Variants in UPRT observed in about 807,000 individuals in gnomAD.
UPRT encodes the protein RP11-311P8.3.
UPRT carries 5 observed loss-of-function variants against 22.6 expected under a neutral mutation model. The observed-to-expected ratio is 0.22, with a 90% CI of 0.12 to 0.47. The LOEUF (loss-of-function observed/expected upper bound fraction) is 0.47. Ranked by LOEUF, UPRT falls within the 20% of genes least tolerant of loss-of-function variation. UPRT has a pLI of 0.99. For missense variants in UPRT, 181 were observed against 239.9 expected, an observed-to-expected ratio of 0.75 and a Z score of 1.62; for synonymous variants, 77 against 87.7, an observed-to-expected ratio of 0.88 and a Z score of 0.68.
At chrX:75,186,661 C>A (rs1321708406) in intron 4 of UPRT, among the ~76,000 whole-genome samples, 5 of 111,628 alleles carry the variant, frequency 4.5e-5, no homozygotes, top group Non-Finnish European at 9.4e-5. Context: ...GAGTCTAAGT[C>A]ACTTTGTAGG....
chrX:75,190,829 C>G (rs143762233), intron 4 of UPRT, among the ~76,000 whole-genome samples: 3,229 of 111,751 alleles, frequency 0.029, 116 homozygotes, highest in African/African-American at 0.1. Flanking sequence ...TCAGCTCCAT[C>G]AGGTCATTTA....
intron 4 of UPRT, among the ~76,000 whole-genome samples, chrX:75,249,484 A>G (rs1405276479): frequency 8.9e-6 from 1 of 111,897 alleles, no homozygotes; most frequent in African/African-American, 3.2e-5. Flanking sequence ...TAATGGTAAA[A>G]TGATCAATTC....
chrX:75,192,010 C>G (rs2082316948), intron 4 of UPRT, among the ~76,000 whole-genome samples: 1 of 111,473 alleles, frequency 9.0e-6, no homozygotes, highest in African/African-American at 3.3e-5. Context: ...GAACCTGGTA[C>G]CTCCGTTGGT....
intron 4 of UPRT, among the ~76,000 whole-genome samples, chrX:75,227,550 A>G: frequency 8.9e-6 from 1 of 112,327 alleles, no homozygotes. Flanking sequence ...GTTCCTGAAT[A>G]TAGCTAATGG....
In UPRT at chrX:75,189,070, T is replaced by C. The variant is rs764072642; in HGVS notation, c.-447+21191T>C. On this transcript the variant is annotated intron_variant, in intron 4 of 13. Transcript: ENST00000652605. ...GCTTCTCTAGTTCTTTTATTTGTGA[T>C]GTTAGGTTGTCAATTTTAGATCTTT... Among the ~76,000 whole-genome samples, 8 of 112,378 alleles carry C rather than the reference T, an allele frequency of 7.1e-5. No homozygotes were observed. In the South Asian group the frequency reaches 3.0e-3, roughly 42 times the overall value.
At chrX:75,275,035 G>A (rs776533330) in intron 1 of UPRT, among the ~76,000 whole-genome samples, 98 of 111,010 alleles carry the variant, frequency 8.8e-4, no homozygotes, top group Non-Finnish European at 1.5e-3. Flanking sequence ...CCAAGGTTAT[G>A]CACTACCACC....
chrX:75,278,921 T>G (rs765018362), intron 1 of UPRT, among the ~76,000 whole-genome samples: 2 of 111,976 alleles, frequency 1.8e-5, no homozygotes, highest in African/African-American at 3.2e-5. Flanking sequence ...CAATCTAATG[T>G]GATTTGAGTT....
chrX:75,267,538 C>T (rs1256473670), intron 4 of UPRT, among the ~76,000 whole-genome samples: 1 of 111,838 alleles, frequency 8.9e-6, no homozygotes, highest in African/African-American at 3.3e-5. Context: ...AACAAACCTG[C>T]ACGTTGTGCA....
chrX:75,175,945 A>G (rs1347338517), intron 4 of UPRT, among the ~76,000 whole-genome samples: 12 of 111,180 alleles, frequency 1.1e-4, no homozygotes, highest in Non-Finnish European at 2.3e-4. Context: ...GATTTTGTTC[A>G]GGGCCCAGGG....
chrX:75,266,694 G>A (rs1345615808), intron 4 of UPRT, among the ~76,000 whole-genome samples: 7 of 111,475 alleles, frequency 6.3e-5, no homozygotes, highest in African/African-American at 2.3e-4. Context: ...CTACTCATCT[G>A]ACAAAGGGCT....
intron 4 of UPRT, among the ~76,000 whole-genome samples, chrX:75,251,229 A>G (rs1300316901): frequency 9.0e-6 from 1 of 111,553 alleles, no homozygotes; most frequent in Non-Finnish European, 1.9e-5. Flanking sequence ...AGGCAGGAGA[A>G]GGAAATAAAG....
chrX:75,260,699 TAGA>T (rs1472834531), intron 4 of UPRT, among the ~76,000 whole-genome samples: 1 of 111,447 alleles, frequency 9.0e-6, no homozygotes, highest in Non-Finnish European at 1.9e-5. Flanking sequence ...ATCAATGAGA[TAGA>T]AGGTCAACAA....
At chrX:75,252,376 G>A (rs190133448) in intron 4 of UPRT, among the ~76,000 whole-genome samples, 3 of 112,078 alleles carry the variant, frequency 2.7e-5, no homozygotes, top group Middle Eastern at 4.6e-3. Flanking sequence ...CAAAAAGTGA[G>A]GGAAGGACAT....
chrX:75,212,036 T>G (rs1322624750), intron 4 of UPRT, among the ~76,000 whole-genome samples: 1 of 111,578 alleles, frequency 9.0e-6, no homozygotes, highest in East Asian at 2.8e-4. Flanking sequence ...TCTGGCAGAA[T>G]GTGGTGTTCC....
intron 2 of UPRT, among the ~76,000 whole-genome samples, chrX:75,162,640 C>T (rs2147599758): frequency 9.0e-6 from 1 of 111,498 alleles, no homozygotes; most frequent in South Asian, 3.7e-4. Flanking sequence ...TCATATCTGT[C>T]TATTAATGTA....
intron 1 of UPRT, among the ~76,000 whole-genome samples, chrX:75,290,630 A>G: frequency 8.9e-6 from 1 of 111,957 alleles, no homozygotes; most frequent in East Asian, 2.8e-4. Flanking sequence ...AAAGAATGAA[A>G]TCATGTCCTT....
intron 4 of UPRT, among the ~76,000 whole-genome samples, chrX:75,265,886 T>A (rs988011502): frequency 3.6e-5 from 4 of 111,212 alleles, no homozygotes; most frequent in African/African-American, 1.3e-4. Flanking sequence ...TTGTTAGGGA[T>A]GTGAAGGACC....
chrX:75,304,450 C>T lies in UPRT; in HGVS notation c.*939C>T, dbSNP rs1214300963. 9.0e-6 allele frequency: 1 copy of T among 111,716 alleles called. No homozygotes were observed. Among genetic ancestry groups the T allele is most frequent in the Non-Finnish European group, 1.9e-5 (1 of 53,128 alleles). 9.2% of individuals were successfully genotyped at this position (111,716 alleles called of 1,213,427 possible). On this transcript the variant is annotated 3_prime_UTR_variant, in exon 7 of 7. Transcript: ENST00000373383. ...TGTATGAAAATAGAAAAAAACCATG[C>T]TTTTTGTAAAAACCCCTAAGATTTG... is the stretch of plus-strand genomic sequence containing the variant.
At chrX:75,232,862 T>C (rs2082444061) in intron 4 of UPRT, among the ~76,000 whole-genome samples, 1 of 111,261 alleles carries the variant, frequency 9.0e-6, no homozygotes, top group Non-Finnish European at 1.9e-5. Flanking sequence ...AACTGGAAAC[T>C]CTAAAAAGCA....
Sources: allele counts gnomAD v4.1 joint callset (sites outside exome capture counted in the v4.1 genomes callset), GRCh38; gene constraint gnomAD v4.1.1; transcripts MANE v1.5; gene names NCBI Gene and HGNC (gene_info 2026-07-23, HGNC 2026-07-21).